Variants in FRMD5 observed in about 807,000 individuals in gnomAD.
FRMD5 encodes FERM domain containing 5.
Under a neutral mutation model 69.0 loss-of-function variants are expected in FRMD5, and 20 were observed. The ratio of observed to expected loss-of-function variants is 0.29; its 90% CI spans 0.20 to 0.42. FRMD5 has a LOEUF of 0.42. FRMD5 is among the 10% of genes least tolerant of loss of function. The pLI, the probability that FRMD5 is intolerant of heterozygous loss-of-function variation, is 1.00. For missense variants in FRMD5, 595 were observed against 708.6 expected (o/e 0.84, Z 1.82); for synonymous variants, 271 against 260.1 (o/e 1.04, Z -0.40).
intron 1 of FRMD5, among the ~76,000 whole-genome samples, chr15:44,028,756 G>A (rs1166849407): frequency 6.6e-6 from 1 of 152,156 alleles, no homozygotes; most frequent in East Asian, 1.9e-4. Context: ...AATGACAGCA[G>A]AACAAGCAGC....
chr15:44,170,843 A>C lies in FRMD5; in HGVS notation c.102+24110T>G. Reference sequence around the variant, plus strand: ...AAAACTCTAAATTGAGTTATATATTACTTTAATTTATACATGATTTTTCAC... The same window carrying C: ...AAAACTCTAAATTGAGTTATATATTCCTTTAATTTATACATGATTTTTCAC... On this transcript the variant is annotated intron_variant, in intron 1 of 13. Coordinates refer to ENST00000417257, the MANE Select transcript of FRMD5 (RefSeq NM_032892.5). Among the ~76,000 whole-genome samples the C allele has an allele frequency of 2.6e-5, 4 of 152,326 alleles. No homozygotes were observed. The South Asian group carries it at 8.3e-4, about 32-fold the overall frequency.
At position 43,888,213 on chromosome 15, in the gene FRMD5, G is replaced by A. The variant is rs778021960; in HGVS notation, c.846C>T (p.His282=). ...GGTTCTCGATTCCACATTTCCAGAGGTGCTTACACGCTTCAGGAGTTGGAG... is the reference window on the plus strand; with the variant it reads ...GGTTCTCGATTCCACATTTCCAGAGATGCTTACACGCTTCAGGAGTTGGAG... ...YFAPTPEACK[H]LWKCGIENQA... The change falls in exon 10 of 14, where the codon CAC becomes CAT. Residue 282 remains histidine (H), a synonymous_variant. Coordinates refer to ENST00000417257, the MANE Select transcript of FRMD5 (RefSeq NM_032892.5). 3 of 1,614,114 alleles carry A rather than the reference G, an allele frequency of 1.9e-6. No homozygotes were observed. Among genetic ancestry groups the A allele is most frequent in the Middle Eastern group, 1.6e-4 (1 of 6,062 alleles).
intron 1 of FRMD5, among the ~76,000 whole-genome samples, chr15:44,118,166 T>C (rs1475879877): frequency 6.6e-6 from 1 of 152,096 alleles, no homozygotes; most frequent in South Asian, 2.1e-4. Flanking sequence ...TGAAAACTTC[T>C]GTACTTAAAC....
At chr15:43,980,904 TAA>T (rs1489493699) in intron 1 of FRMD5, among the ~76,000 whole-genome samples, 4 of 152,068 alleles carry the variant, frequency 2.6e-5, no homozygotes, top group Admixed American at 6.6e-5. Context: ...CCAGGTACAG[TAA>T]AAAATCTACC....
chr15:44,130,551 G>A (rs908891282), intron 1 of FRMD5, among the ~76,000 whole-genome samples: 1 of 152,156 alleles, frequency 6.6e-6, no homozygotes, highest in Non-Finnish European at 1.5e-5. Flanking sequence ...TGACTCTGGA[G>A]CAAGTCTTTC....
intron 1 of FRMD5, among the ~76,000 whole-genome samples, chr15:44,176,344 T>C (rs925055486): frequency 5.3e-5 from 8 of 152,170 alleles, no homozygotes; most frequent in African/African-American, 1.2e-4. Context: ...TAGCAAAACT[T>C]TGGACACCTA....
At chr15:44,135,924 A>T (rs2077177506) in intron 1 of FRMD5, among the ~76,000 whole-genome samples, 1 of 152,030 alleles carries the variant, frequency 6.6e-6, no homozygotes, top group Admixed American at 6.6e-5. Flanking sequence ...CCTGAACTAT[A>T]TTCATAATAT....
chr15:44,168,096 T>C (rs1395821441), intron 1 of FRMD5, among the ~76,000 whole-genome samples: 1 of 152,178 alleles, frequency 6.6e-6, no homozygotes, highest in Non-Finnish European at 1.5e-5. Flanking sequence ...CTTCATTAAA[T>C]GGGGGAATAA....
chr15:44,011,270 G>A (rs1890708423), intron 1 of FRMD5, among the ~76,000 whole-genome samples: 1 of 150,074 alleles, frequency 6.7e-6, no homozygotes, highest in East Asian at 2.0e-4. Flanking sequence ...AAGACGATAA[G>A]AACTGCTCTC....
At chr15:43,954,735 G>A (rs1453356365) in intron 1 of FRMD5, among the ~76,000 whole-genome samples, 1 of 152,190 alleles carries the variant, frequency 6.6e-6, no homozygotes, top group Non-Finnish European at 1.5e-5. Context: ...GGATCAGAGG[G>A]AGCAATCCAT....
chr15:43,928,397 C>T (rs1164094514), intron 1 of FRMD5, among the ~76,000 whole-genome samples: 2 of 152,200 alleles, frequency 1.3e-5, no homozygotes, highest in Non-Finnish European at 2.9e-5. Flanking sequence ...TAGAGCTCTG[C>T]GCAGAGGCAC....
At chr15:44,030,481 T>C (rs1179088550) in intron 1 of FRMD5, among the ~76,000 whole-genome samples, 1 of 152,220 alleles carries the variant, frequency 6.6e-6, no homozygotes, top group African/African-American at 2.4e-5. Context: ...GTTAATGACT[T>C]CAAAGCCCTG....
chr15:43,905,703 G>A, intron 6 of FRMD5, 125 bp downstream of exon 6: 2 of 1,232,960 alleles, frequency 1.6e-6, no homozygotes, highest in South Asian at 2.8e-5. Context: ...CCGCGGTCAG[G>A]AAGGCTGGGG....
chr15:44,068,469 C>T (rs528021134), intron 1 of FRMD5, among the ~76,000 whole-genome samples: 1 of 152,066 alleles, frequency 6.6e-6, no homozygotes, highest in East Asian at 1.9e-4. Context: ...AAACATTATG[C>T]TAAATGAAAA....
intron 1 of FRMD5, among the ~76,000 whole-genome samples, chr15:44,114,328 C>A (rs1018674319): frequency 6.6e-6 from 1 of 152,180 alleles, no homozygotes; most frequent in Non-Finnish European, 1.5e-5. Flanking sequence ...ATACATCAGT[C>A]CTCGCTAAGG....
chr15:43,990,186 G>T, intron 1 of FRMD5: 1 of 512,716 alleles, frequency 2.0e-6, no homozygotes, highest in Non-Finnish European at 3.8e-6. Flanking sequence ...ATCATCCATG[G>T]TGAGCTGGCG....
At chr15:44,003,551 T>G (rs961739420) in intron 1 of FRMD5, among the ~76,000 whole-genome samples, 3 of 152,130 alleles carry the variant, frequency 2.0e-5, no homozygotes, top group Non-Finnish European at 2.9e-5. Context: ...CCTACTTTAC[T>G]CCAAACACAA....
chr15:43,951,358 C>G (rs974006087), intron 1 of FRMD5, among the ~76,000 whole-genome samples: 3 of 150,508 alleles, frequency 2.0e-5, no homozygotes, highest in Admixed American at 1.3e-4. Context: ...GGAGGCGGCA[C>G]TTGCAGTGAG....
intron 1 of FRMD5, among the ~76,000 whole-genome samples, chr15:43,983,391 G>T (rs1047363820): frequency 6.6e-6 from 1 of 152,140 alleles, no homozygotes; most frequent in Non-Finnish European, 1.5e-5. Context: ...GGCACCCTAA[G>T]TTGAAAAGTT....
Sources: gnomAD v4.1 joint callset for allele counts (sites outside exome capture counted in the v4.1 genomes callset) on GRCh38, gnomAD v4.1.1 for gene constraint, MANE v1.5 for transcripts, NCBI Gene and HGNC (gene_info 2026-07-23, HGNC 2026-07-21) for gene names.